Variants in SLCO3A1 observed in about 807,000 individuals in gnomAD.
The protein encoded by SLCO3A1 is solute carrier organic anion transporter family member 3A1, also known as PGE1 transporter.
A neutral mutation model predicts 63.1 loss-of-function variants in SLCO3A1; 27 were observed. The ratio of observed to expected loss-of-function variants is 0.43; its 90% CI spans 0.32 to 0.59. The LOEUF (loss-of-function observed/expected upper bound fraction) is 0.59, where lower values mean the gene tolerates loss of function less well. Ranked by LOEUF, SLCO3A1 falls within the 20% of genes least tolerant of loss-of-function variation. SLCO3A1 has a pLI of 0.09. For synonymous variants in SLCO3A1, 473 were observed against 409.9 expected (o/e 1.15, Z -1.86); for missense variants, 773 against 945.8 (o/e 0.82, Z 2.40).
intron 2 of SLCO3A1, among the ~76,000 whole-genome samples, chr15:92,011,761 G>T (rs2151462742): frequency 6.6e-6 from 1 of 152,352 alleles, no homozygotes; most frequent in African/African-American, 2.4e-5. Flanking sequence ...CTCCTAGCGT[G>T]GTGCTTGGCC....
chr15:91,976,150 A>T (rs993649280), intron 2 of SLCO3A1, among the ~76,000 whole-genome samples: 2 of 152,176 alleles, frequency 1.3e-5, no homozygotes, highest in Non-Finnish European at 2.9e-5. Context: ...GAAAGCAGAA[A>T]TGGGGATGTT....
chr15:91,864,036 A>G (rs1305759162), intron 1 of SLCO3A1, among the ~76,000 whole-genome samples: 1 of 152,230 alleles, frequency 6.6e-6, no homozygotes, highest in Admixed American at 6.5e-5. Flanking sequence ...CTTGCACTTG[A>G]TGGAAGCAGA....
intron 2 of SLCO3A1, among the ~76,000 whole-genome samples, chr15:91,963,885 C>T (rs35304329): frequency 0.065 from 9,833 of 152,092 alleles, 426 homozygotes; most frequent in Non-Finnish European, 0.09. Context: ...AGCAGGTTGC[C>T]GCTGCTATTT....
rs1423981530 is a variant in SLCO3A1 at position 92,047,490 on chromosome 15, T to TAAATAC, written c.647-47390_647-47389insAATACA. Among the ~76,000 whole-genome samples the TAAATAC allele has an allele frequency of 2.0e-4, 4 of 19,948 alleles. 1 individual carries two copies. The highest frequency in any genetic ancestry group is 7.4e-4 in the African/African-American group (4 of 5,422). 13.1% of individuals were successfully genotyped at this position (19,948 alleles called of 152,430 possible). ...ATATATAAATATATATAAATATATATATAAATATATATAAATATATATAAA... is the reference window on the plus strand; with the variant it reads ...ATATATAAATATATATAAATATATATAAATACATAAATATATATAAATATATATAAA... On this transcript the variant is annotated intron_variant, in intron 2 of 9. Transcript: ENST00000318445.
At chr15:92,096,730 A>T (rs893462572) in intron 3 of SLCO3A1, among the ~76,000 whole-genome samples, 1 of 152,020 alleles carries the variant, frequency 6.6e-6, no homozygotes, top group African/African-American at 2.4e-5. Context: ...TTTGTGATTC[A>T]CTCCATTAAT....
At chr15:92,025,567 C>T (rs2046563379) in intron 2 of SLCO3A1, among the ~76,000 whole-genome samples, 1 of 152,184 alleles carries the variant, frequency 6.6e-6, no homozygotes, top group African/African-American at 2.4e-5. Context: ...AGGCACTTTC[C>T]ATTCTTGCTT....
At chr15:92,152,282 A>G (rs562631162) in intron 9 of SLCO3A1, among the ~76,000 whole-genome samples, 24 of 152,346 alleles carry the variant, frequency 1.6e-4, no homozygotes, top group Non-Finnish European at 2.4e-4. Context: ...AATACATAGC[A>G]TATGTCTCTC....
At chr15:91,896,376 T>A (rs1898004374) in intron 1 of SLCO3A1, among the ~76,000 whole-genome samples, 1 of 152,194 alleles carries the variant, frequency 6.6e-6, no homozygotes, top group Non-Finnish European at 1.5e-5. Context: ...CACGATTGCT[T>A]CTCTGAGGTA....
intron 9 of SLCO3A1, 142 bp downstream of exon 9, chr15:92,151,156 T>G (rs530064634): frequency 3.0e-6 from 2 of 657,618 alleles, no homozygotes. Context: ...AAATTTTAAG[T>G]CTCAAAATTT....
At position 91,996,440 on chromosome 15, in the gene SLCO3A1, C is replaced by T. The variant is rs572921910; in HGVS notation, c.646+79982C>T. On this transcript the variant is annotated intron_variant, in intron 2 of 9. Transcript: ENST00000318445. Reference sequence around the variant, plus strand: ...CCCAAATATACCTGTAATTTCACTTCCATTGCAATAAAAACAAAATAGGGA... The same window carrying T: ...CCCAAATATACCTGTAATTTCACTTTCATTGCAATAAAAACAAAATAGGGA... 8.6e-5 allele frequency among the ~76,000 whole-genome samples: 13 copies of T among 151,984 alleles called. No homozygotes were observed. The South Asian group carries it at 2.7e-3, about 32-fold the overall frequency.
Position 91,942,971 on chromosome 15 carries a change from C to T in SLCO3A1, c.646+26513C>T, listed in dbSNP as rs1361023140. Among the ~76,000 whole-genome samples, 1 of 152,228 alleles carries T rather than the reference C, an allele frequency of 6.6e-6. No homozygotes were observed. Among genetic ancestry groups the T allele is most frequent in the Admixed American group, 6.5e-5 (1 of 15,288 alleles). Reference sequence around the variant, plus strand: ...GGCCCAGCCGTTTGACCTCGTTCTGCCTCCCTTTCTCTCCTAAAAGCATCT... The same window carrying T: ...GGCCCAGCCGTTTGACCTCGTTCTGTCTCCCTTTCTCTCCTAAAAGCATCT... On this transcript the variant is annotated intron_variant, in intron 2 of 9. Coordinates refer to ENST00000318445, the MANE Select transcript of SLCO3A1 (RefSeq NM_013272.4). This position sits in a 1 kb window ranked among gnomAD's most constrained non-coding sequence, Gnocchi z 4.1.
intron 1 of SLCO3A1, among the ~76,000 whole-genome samples, chr15:91,901,549 C>A (rs974668421): frequency 1.3e-5 from 2 of 152,138 alleles, no homozygotes. Flanking sequence ...AGCAGTGAAT[C>A]CCCCAAGTCT....
At chr15:91,892,705 C>G (rs1164944177) in intron 1 of SLCO3A1, among the ~76,000 whole-genome samples, 2 of 152,202 alleles carry the variant, frequency 1.3e-5, no homozygotes, top group African/African-American at 4.8e-5. Flanking sequence ...TTCCGTCTTA[C>G]TCAGCTCTCT....
chr15:91,854,053 C>G lies in SLCO3A1; in HGVS notation c.145C>G (p.Leu49Val). The change falls in exon 1 of 10, where the codon CTG becomes GTG. Residue 49 changes from leucine to valine, a missense_variant. Around this residue, in one of 3 missense-constraint regions of SLCO3A1, gnomAD observed 69 missense variants for 64.6 expected, o/e 1.07. Coordinates refer to ENST00000318445, the MANE Select transcript of SLCO3A1 (RefSeq NM_013272.4). This position sits in a 1 kb window ranked among gnomAD's most constrained non-coding sequence, Gnocchi z 6.4. ...GATCTTCCTGGTGTCCGAGTGCGCC[C>G]TGATGCTGGCGCAGGGCACGGTGGG... is the stretch of plus-strand genomic sequence containing the variant. Reference protein sequence around the residue: ...IKIFLVSECALMLAQGTVGAY... With the variant: ...IKIFLVSECAVMLAQGTVGAY... The G allele has an allele frequency of 6.5e-7, 1 of 1,536,870 alleles. No individual in the cohort carries two copies. The highest frequency in any genetic ancestry group is 8.8e-7 in the Non-Finnish European group (1 of 1,139,524).
chr15:91,928,990 G>A (rs1431972511), intron 2 of SLCO3A1, among the ~76,000 whole-genome samples: 2 of 152,164 alleles, frequency 1.3e-5, no homozygotes, highest in African/African-American at 4.8e-5. Context: ...AAACATACTA[G>A]ACGCCAGCGG....
Position 91,875,250 on chromosome 15 carries a change from C to T in SLCO3A1, c.180+21162C>T, listed in dbSNP as rs1193236711. Among the ~76,000 whole-genome samples the T allele has an allele frequency of 6.6e-6, 1 of 152,168 alleles. No individual in the cohort carries two copies. The highest frequency in any genetic ancestry group is 1.5e-5 in the Non-Finnish European group (1 of 68,040). The stretch of plus-strand genomic sequence containing the variant: ...CTTTAGGGGCGGCAGTGTTGTCCCA[C>T]ATTGTAGCTCATTGTAGGAGATCCT... On this transcript the variant is annotated intron_variant, in intron 1 of 9. Transcript: ENST00000318445. This position sits in a 1 kb window ranked among gnomAD's most constrained non-coding sequence, Gnocchi z 4.5.
At chr15:92,130,713 G>C (rs2151570657) in intron 7 of SLCO3A1, among the ~76,000 whole-genome samples, 1 of 152,232 alleles carries the variant, frequency 6.6e-6, no homozygotes, top group Middle Eastern at 3.4e-3. Context: ...GCTTGGCCCA[G>C]AGTCAGAGAA....
intron 2 of SLCO3A1, among the ~76,000 whole-genome samples, chr15:92,091,958 G>A (rs2047482925): frequency 6.6e-6 from 1 of 152,202 alleles, no homozygotes; most frequent in Non-Finnish European, 1.5e-5. Flanking sequence ...GCCTCAGGGT[G>A]TGGTGTCTCC....
intron 2 of SLCO3A1, among the ~76,000 whole-genome samples, chr15:91,965,302 C>G (rs1292305143): frequency 2.0e-5 from 3 of 152,192 alleles, no homozygotes; most frequent in African/African-American, 7.2e-5. Flanking sequence ...CCAAAGGAAA[C>G]ATTTATCCCC....
Sources: allele counts gnomAD v4.1 joint callset (sites outside exome capture counted in the v4.1 genomes callset), GRCh38; gene constraint gnomAD v4.1.1; regional missense constraint gnomAD v4.1.1; non-coding constraint Gnocchi (gnomAD v3.1); transcripts MANE v1.5; gene names NCBI Gene and HGNC (gene_info 2026-07-23, HGNC 2026-07-21).